DENND3: variants seen among roughly 807,000 people sequenced by gnomAD.
DENND3 encodes the protein DENN domain-containing protein 3.
DENND3 carries 88 observed loss-of-function variants against 135.1 expected under a neutral mutation model. That is an observed-to-expected ratio of 0.65 (90% CI 0.55 to 0.78). The LOEUF is 0.78. DENND3 is among the 30% of genes least tolerant of loss of function. DENND3 has a pLI of 0.00. For synonymous variants in DENND3, 693 were observed against 712.3 expected (o/e 0.97, Z 0.43); for missense variants, 1,392 against 1,688.4 (o/e 0.82, Z 3.08).
chr8:141,138,129 C>T lies in DENND3; in HGVS notation c.493C>T (p.Pro165Ser). Residue 165 changes from proline to serine, a missense_variant, in exon 3 of 23, where the codon CCC becomes TCC. Transcript: ENST00000519811. The surrounding 1 kb of genome is among the most constrained non-coding windows in gnomAD (Gnocchi z 4.8). Reference sequence around the variant, plus strand: ...TGGCGTGGTGGCCCAGTACTACCGGCCCCTGCATGTAGGTGGTTCCCGTTA... The same window carrying T: ...TGGCGTGGTGGCCCAGTACTACCGGTCCCTGCATGTAGGTGGTTCCCGTTA... ...TYGVVAQYYR[P>S]LHDEYCFYNG... 6.2e-7 allele frequency: 1 copy of T among 1,603,774 alleles called. No homozygotes were observed. Among genetic ancestry groups the T allele is most frequent in the South Asian group, 1.1e-5 (1 of 89,182 alleles).
At chr8:141,145,778 GTTTA>G (rs909180405) in intron 5 of DENND3, among the ~76,000 whole-genome samples, 14 of 116,088 alleles carry the variant, frequency 1.2e-4, no homozygotes, top group South Asian at 2.9e-4. Context: ...TCATTTATTT[GTTTA>G]TTTGTCTTTA....
intron 16 of DENND3, among the ~76,000 whole-genome samples, chr8:141,179,665 G>A (rs1012765230): frequency 6.6e-6 from 1 of 152,268 alleles, no homozygotes; most frequent in African/African-American, 2.4e-5. Context: ...GCCGCGGCCA[G>A]TTGGCTTTCA....
chr8:141,136,745 C>T lies in DENND3; in HGVS notation c.339C>T (p.Val113=). 1.9e-6 allele frequency: 3 copies of T among 1,600,376 alleles called. No individual in the cohort carries two copies. The highest frequency in any genetic ancestry group is 2.6e-6 in the Non-Finnish European group (3 of 1,174,116). The stretch of plus-strand genomic sequence containing the variant: ...CGCCAGAGCCTGAGGATGTCGCCGT[C>T]CCGGGCGGCGTGGACCTCCTCACCC... ...PRAPEPEDVA[V]PGGVDLLTLP... is the part of the protein sequence containing the mutation. The change falls in exon 2 of 23, where the codon GTC becomes GTT. Residue 113 remains valine (V), a synonymous_variant. Coordinates refer to ENST00000519811, the MANE Select transcript of DENND3 (RefSeq NM_001352890.3).
At chr8:141,171,686 A>C (rs1821583795) in intron 13 of DENND3, among the ~76,000 whole-genome samples, 1 of 152,240 alleles carries the variant, frequency 6.6e-6, no homozygotes, top group Non-Finnish European at 1.5e-5. Context: ...ACAGATGTGC[A>C]CAGTGGTCAT....
chr8:141,181,240 C>T (rs1459551785), intron 17 of DENND3, among the ~76,000 whole-genome samples: 1 of 152,166 alleles, frequency 6.6e-6, no homozygotes, highest in African/African-American at 2.4e-5. Flanking sequence ...CTCACTGCAT[C>T]CTCCAACTCC....
At position 141,139,902 on chromosome 8, in the gene DENND3, C is replaced by G. The variant is rs1182568112; in HGVS notation, c.502-1301C>G. 6.9e-6 allele frequency among the ~76,000 whole-genome samples: 1 copy of G among 145,814 alleles called. No homozygotes were observed. The highest frequency in any genetic ancestry group is 2.2e-4 in the South Asian group (1 of 4,644). The stretch of plus-strand genomic sequence containing the variant: ...TGTATCCGGATGACGCTATATCTAT[C>G]GTTTTTTTCTTTCTTTTTTTTTTTT... On this transcript the variant is annotated intron_variant, in intron 3 of 22. Transcript: ENST00000519811. The surrounding 1 kb of genome is among the most constrained non-coding windows in gnomAD (Gnocchi z 4.2).
In DENND3 at chr8:141,130,691, AT is replaced by A. The variant is rs869073041; in HGVS notation, c.102+1895del. ...TTGAATGTCCAAGGCTTTTAAATAT[AT>A]TTTTTTTTTTTTGAGACAGAGTTTT... On this transcript the variant is annotated intron_variant, in intron 1 of 22. Coordinates refer to ENST00000519811, the MANE Select transcript of DENND3 (RefSeq NM_001352890.3). The surrounding 1 kb of genome is among the most constrained non-coding windows in gnomAD (Gnocchi z 4.2). Among the ~76,000 whole-genome samples, 64 of 120,930 alleles carry A rather than the reference AT, an allele frequency of 5.3e-4. No individual in the cohort carries two copies. The highest frequency in any genetic ancestry group is 8.6e-4 in the African/African-American group (27 of 31,506). The allele number at this position is 120,930 out of a possible 152,430, so 79.3% of individuals were successfully genotyped here. A position where few individuals can be genotyped will look rare whatever the true frequency, so the allele number is the denominator to read the frequency against.
At chr8:141,180,226 CATCCCATGGCACA>C (rs887177620) in intron 16 of DENND3, among the ~76,000 whole-genome samples, 17 of 152,240 alleles carry the variant, frequency 1.1e-4, no homozygotes, top group African/African-American at 4.1e-4. Context: ...TGATGCTCCA[CATCCCATGGCACA>C]CAGGATGCTG....
At chr8:141,164,551 G>A (rs778126184) in intron 10 of DENND3, among the ~76,000 whole-genome samples, 10 of 152,228 alleles carry the variant, frequency 6.6e-5, no homozygotes, top group Middle Eastern at 6.3e-3. Context: ...TGTTGGGAGC[G>A]TGACTGGCTC....
chr8:141,184,387 G>A (rs1184841247), intron 17 of DENND3: 1 of 152,192 alleles, frequency 6.6e-6, no homozygotes, highest in African/African-American at 2.4e-5. Flanking sequence ...CCAGAGCCCT[G>A]GACTCGGAGC....
chr8:141,164,223 T>G (rs556830830), intron 10 of DENND3, among the ~76,000 whole-genome samples: 30 of 152,346 alleles, frequency 2.0e-4, no homozygotes, highest in Non-Finnish European at 3.7e-4. Flanking sequence ...GGCGGCTCCT[T>G]TTTTTGCTAG....
chr8:141,146,528 G>A lies in DENND3; in HGVS notation c.735+2269G>A, dbSNP rs1818164283. 6.6e-6 allele frequency among the ~76,000 whole-genome samples: 1 copy of A among 152,088 alleles called. No homozygotes were observed. Among genetic ancestry groups the A allele is most frequent in the South Asian group, 2.1e-4 (1 of 4,826 alleles). On this transcript the variant is annotated intron_variant, in intron 5 of 22. Transcript: ENST00000519811. The surrounding 1 kb of genome is among the most constrained non-coding windows in gnomAD (Gnocchi z 4.3). ...CGTCTCAAAATGTTTAGTAAATGTC[G>A]ATTCAGTTTCATTGTGCTAGTCCTC...
intron 5 of DENND3, among the ~76,000 whole-genome samples, chr8:141,148,481 TCACA>T (rs369837260): frequency 1.3e-5 from 2 of 152,108 alleles, no homozygotes; most frequent in Non-Finnish European, 2.9e-5. Flanking sequence ...GTGCAAAATC[TCACA>T]CACACACACA....
chr8:141,182,148 G>A lies in DENND3; in HGVS notation c.2944+1294G>A, dbSNP rs1823219364. ...GTTTGTTGCATCTGCGTCTGCAGGT[G>A]TCAGCCGTAGGTGTCAGGGATGCAG... On this transcript the variant is annotated intron_variant, in intron 17 of 22. Coordinates refer to ENST00000519811, the MANE Select transcript of DENND3 (RefSeq NM_001352890.3). This position sits in a 1 kb window ranked among gnomAD's most constrained non-coding sequence, Gnocchi z 5.9. 6.6e-6 allele frequency among the ~76,000 whole-genome samples: 1 copy of A among 152,228 alleles called. No homozygotes were observed. The highest frequency in any genetic ancestry group is 2.4e-5 in the African/African-American group (1 of 41,454).
Position 141,138,848 on chromosome 8 carries a change from G to A in DENND3, c.501+711G>A, listed in dbSNP as rs1483595141. On this transcript the variant is annotated intron_variant, in intron 3 of 22. Transcript: ENST00000519811. This position sits in a 1 kb window ranked among gnomAD's most constrained non-coding sequence, Gnocchi z 4.8. The stretch of plus-strand genomic sequence containing the variant: ...TGCCCCGTGGCCTTTTATGGCGAGT[G>A]ACATTCCATCGTTTGGATGGACCAC... 1.3e-5 allele frequency among the ~76,000 whole-genome samples: 2 copies of A among 152,216 alleles called. No individual in the cohort carries two copies. The highest frequency in any genetic ancestry group is 4.8e-5 in the African/African-American group (2 of 41,450).
At chr8:141,180,039 C>T (rs553526043) in intron 16 of DENND3, among the ~76,000 whole-genome samples, 6 of 152,220 alleles carry the variant, frequency 3.9e-5, no homozygotes, top group South Asian at 4.1e-4. Context: ...GGCAGGAGGC[C>T]GCTTTAGGTT....
In DENND3 at chr8:141,168,356, C is replaced by T. The variant is rs147231668; in HGVS notation, c.2106C>T (p.Ser702=). 302 of 1,613,814 alleles carry T rather than the reference C, an allele frequency of 1.9e-4. 2 individuals are homozygous for T. The Middle Eastern group carries it at 2.3e-3, about 12-fold the overall frequency. Residue 702 remains serine, a synonymous_variant, in exon 13 of 23, where the codon AGC becomes AGT. Coordinates refer to ENST00000519811, the MANE Select transcript of DENND3 (RefSeq NM_001352890.3). This position sits in a 1 kb window ranked among gnomAD's most constrained non-coding sequence, Gnocchi z 6.2. ...EQAPELMRLI[S]EILDKPHEAS... is the part of the protein sequence containing the mutation. ...CGCCGGAGCTGATGAGGCTCATCAG[C>T]GAGATCCTGGACAAGCCGCACGAGG...
intron 7 of DENND3, 125 bp from the exon 8 acceptor site, chr8:141,155,724 G>T: frequency 7.9e-7 from 1 of 1,269,444 alleles, no homozygotes; most frequent in Non-Finnish European, 1.1e-6. Context: ...GCATTTTAAA[G>T]AGGGTCATTT....
Position 141,174,881 on chromosome 8 carries a change from G to A in DENND3, c.2276-319G>A, listed in dbSNP as rs1006017497. ...CCCCATTAGAAGAGTGTCCTTGTCC[G>A]GAAGGACTTTCCTACCCAAAGGTAA... On this transcript the variant is annotated intron_variant, in intron 13 of 22. Transcript: ENST00000519811. This position sits in a 1 kb window ranked among gnomAD's most constrained non-coding sequence, Gnocchi z 4.6. 1.4e-4 allele frequency among the ~76,000 whole-genome samples: 21 copies of A among 152,020 alleles called. No homozygotes were observed. The highest frequency in any genetic ancestry group is 5.2e-4 in the Admixed American group (8 of 15,272).
Sources: allele counts gnomAD v4.1 joint callset (sites outside exome capture counted in the v4.1 genomes callset), GRCh38; gene constraint gnomAD v4.1.1; non-coding constraint Gnocchi (gnomAD v3.1); transcripts MANE v1.5; gene names NCBI Gene and HGNC (gene_info 2026-07-23, HGNC 2026-07-21).